THSD7A: variants seen among roughly 807,000 people sequenced by gnomAD.
THSD7A encodes thrombospondin type-1 domain-containing protein 7A.
In THSD7A, 96 loss-of-function variants were observed where a neutral mutation model predicts 231.3. That is an observed-to-expected ratio of 0.41 (90% CI 0.35 to 0.49). The LOEUF (loss-of-function observed/expected upper bound fraction) is 0.49, where lower values mean the gene tolerates loss of function less well. Ranked by LOEUF, THSD7A falls within the 20% of genes least tolerant of loss-of-function variation. The pLI is 0.05. For synonymous variants in THSD7A, 940 were observed against 743.3 expected (o/e 1.26, Z -4.30); for missense variants, 2,290 against 2,070.2 (o/e 1.11, Z -2.06).
chr7:11,522,017 G>C (rs56671626), intron 6 of THSD7A, among the ~76,000 whole-genome samples: 24,583 of 151,986 alleles, frequency 0.16, 2,344 homozygotes, highest in African/African-American at 0.26. Flanking sequence ...TTAAAATTAA[G>C]AGTTTCTAAG....
intron 4 of THSD7A, among the ~76,000 whole-genome samples, chr7:11,554,473 T>G (rs1789761545): frequency 6.6e-6 from 1 of 152,062 alleles, no homozygotes; most frequent in African/African-American, 2.4e-5. Context: ...AAGATGAGGA[T>G]GTTCTTCTCT....
At chr7:11,524,816 T>C (rs938347939) in intron 6 of THSD7A, among the ~76,000 whole-genome samples, 4 of 152,170 alleles carry the variant, frequency 2.6e-5, no homozygotes, top group Non-Finnish European at 5.9e-5. Context: ...ATTCAGGATA[T>C]ATGGTTAATG....
chr7:11,513,456 A>G (rs531909508), intron 6 of THSD7A, among the ~76,000 whole-genome samples: 2 of 152,342 alleles, frequency 1.3e-5, no homozygotes, highest in East Asian at 3.9e-4. Context: ...ATATGATTCA[A>G]CCATAAAAAG....
chr7:11,779,031 T>C (rs1039466645), intron 1 of THSD7A, among the ~76,000 whole-genome samples: 1 of 152,162 alleles, frequency 6.6e-6, no homozygotes, highest in African/African-American at 2.4e-5. Context: ...CTAGAAGTTC[T>C]GTGGTGATTT....
intron 6 of THSD7A, among the ~76,000 whole-genome samples, chr7:11,530,103 A>C (rs1351968682): frequency 6.6e-6 from 1 of 152,186 alleles, no homozygotes; most frequent in African/African-American, 2.4e-5. Context: ...GTCTCCAGAA[A>C]GTTAAAGCTC....
intron 4 of THSD7A, among the ~76,000 whole-genome samples, chr7:11,563,012 G>A (rs1470176164): frequency 2.6e-5 from 4 of 152,130 alleles, no homozygotes; most frequent in African/African-American, 9.7e-5. Flanking sequence ...AAAAATTCAC[G>A]CAGTAATTGG....
chr7:11,452,219 G>A (rs549198374), intron 11 of THSD7A, among the ~76,000 whole-genome samples: 2 of 151,964 alleles, frequency 1.3e-5, no homozygotes, highest in Non-Finnish European at 2.9e-5. Flanking sequence ...TGGCAATAGC[G>A]AGAATGAATC....
chr7:11,463,348 G>A (rs1785576047), intron 9 of THSD7A, among the ~76,000 whole-genome samples: 1 of 152,072 alleles, frequency 6.6e-6, no homozygotes, highest in African/African-American at 2.4e-5. Context: ...TCAGTAAATG[G>A]CTGACTTCAT....
chr7:11,664,227 G>C (rs1341251646), intron 1 of THSD7A, among the ~76,000 whole-genome samples: 2 of 151,672 alleles, frequency 1.3e-5, no homozygotes, highest in East Asian at 3.9e-4. Context: ...AATAAATAGA[G>C]TTCTTGAAGT....
intron 6 of THSD7A, among the ~76,000 whole-genome samples, chr7:11,492,447 G>T (rs1392162275): frequency 6.6e-6 from 1 of 151,998 alleles, no homozygotes; most frequent in African/African-American, 2.4e-5. Context: ...TTATGAAATA[G>T]CTTAAATATA....
chr7:11,456,026 T>C (rs376137678), intron 11 of THSD7A, among the ~76,000 whole-genome samples: 1 of 152,040 alleles, frequency 6.6e-6, no homozygotes, highest in Non-Finnish European at 1.5e-5. Context: ...GCATGGCTAG[T>C]AAGGTGATAA....
At chr7:11,385,126 AAAG>A (rs1178103796) in intron 23 of THSD7A, 2 of 151,888 alleles carry the variant, frequency 1.3e-5, no homozygotes. Flanking sequence ...AAAAAAAAAA[AAAG>A]ACTATTTATT....
chr7:11,658,603 T>C (rs1326919082), intron 1 of THSD7A, among the ~76,000 whole-genome samples: 1 of 151,720 alleles, frequency 6.6e-6, no homozygotes, highest in Non-Finnish European at 1.5e-5. Flanking sequence ...ATTTGAAATT[T>C]ACAGCTATCG....
At chr7:11,513,073 T>A (rs1370514134) in intron 6 of THSD7A, among the ~76,000 whole-genome samples, 1 of 151,308 alleles carries the variant, frequency 6.6e-6, no homozygotes, top group African/African-American at 2.4e-5. Context: ...AAACCAAATG[T>A]TGTGTATTCT....
intron 6 of THSD7A, among the ~76,000 whole-genome samples, chr7:11,527,617 C>A (rs997442616): frequency 2.7e-5 from 4 of 148,484 alleles, no homozygotes; most frequent in African/African-American, 9.7e-5. Flanking sequence ...CACGTTAGAT[C>A]CTTCCTTTAG....
At chr7:11,794,755 A>T (rs1051279153) in intron 1 of THSD7A, among the ~76,000 whole-genome samples, 1 of 151,916 alleles carries the variant, frequency 6.6e-6, no homozygotes, top group Non-Finnish European at 1.5e-5. Context: ...CAGCCCTCCC[A>T]CCCACTCTAC....
At chr7:11,798,887 T>G (rs374316230) in intron 1 of THSD7A, among the ~76,000 whole-genome samples, 3 of 151,970 alleles carry the variant, frequency 2.0e-5, no homozygotes, top group South Asian at 2.1e-4. Flanking sequence ...ATCTATTTAG[T>G]ATATGTATTT....
Position 11,521,464 on chromosome 7 carries a change from T to C in THSD7A, c.1822+19955A>G, listed in dbSNP as rs1299997548. Among the ~76,000 whole-genome samples the C allele has an allele frequency of 4.5e-5, 5 of 110,476 alleles. 1 individual carries two copies. In the East Asian group the frequency reaches 7.2e-4, roughly 16 times the overall value. 72.5% of individuals were successfully genotyped at this position (110,476 alleles called of 152,430 possible). A position where few individuals can be genotyped will look rare whatever the true frequency, so the allele number is the denominator to read the frequency against. ...GCACTGAGACAGGGCCACATTCTTT[T>C]TTATTTTTTTATTTTATTTATTTAT... On this transcript the variant is annotated intron_variant, in intron 6 of 27. Transcript: ENST00000423059.
At chr7:11,648,018 G>A (rs1245055782) in intron 1 of THSD7A, among the ~76,000 whole-genome samples, 1 of 152,082 alleles carries the variant, frequency 6.6e-6, no homozygotes, top group Non-Finnish European at 1.5e-5. Context: ...AGTCCACAAA[G>A]ATCTGCCCTT....
Sources: allele counts gnomAD v4.1 joint callset (sites outside exome capture counted in the v4.1 genomes callset), GRCh38; gene constraint gnomAD v4.1.1; transcripts MANE v1.5; gene names NCBI Gene and HGNC (gene_info 2026-07-23, HGNC 2026-07-21).